MICAL2: variants seen among roughly 807,000 people sequenced by gnomAD.
MICAL2 encodes the protein microtubule associated monooxygenase, calponin and LIM domain containing 2, also known as [F-actin]-monooxygenase MICAL2.
In MICAL2, 77 loss-of-function variants were observed where a neutral mutation model predicts 127.3. The observed-to-expected ratio is 0.60, with a 90% confidence interval of 0.50 to 0.73. The LOEUF (loss-of-function observed/expected upper bound fraction) is 0.73. Among genes scored for constraint, MICAL2 ranks in the 30% least tolerant of loss-of-function variants. The pLI is 0.00. For missense variants in MICAL2, 1,351 were observed against 1,434.4 expected (o/e 0.94, Z 0.94); for synonymous variants, 570 against 551.1 (o/e 1.03, Z -0.48).
intron 29 of MICAL2, among the ~76,000 whole-genome samples, chr11:12,307,230 A>C (rs779969691): frequency 6.6e-6 from 1 of 152,024 alleles, no homozygotes; most frequent in African/African-American, 2.4e-5. Context: ...TGAATTTTTT[A>C]TTTGTATATT....
intron 3 of MICAL2, among the ~76,000 whole-genome samples, chr11:12,197,004 G>C (rs935432967): frequency 6.6e-6 from 1 of 152,146 alleles, no homozygotes; most frequent in African/African-American, 2.4e-5. Context: ...TCACTAATCT[G>C]TTTCTTCTCT....
At chr11:12,334,701 G>A (rs1938716889) in intron 32 of MICAL2, among the ~76,000 whole-genome samples, 1 of 148,132 alleles carries the variant, frequency 6.8e-6, no homozygotes, top group Non-Finnish European at 1.5e-5. Flanking sequence ...GAGAACATGT[G>A]GTGTTTGGTT....
At chr11:12,360,375 A>G (rs1033195084), downstream of MICAL2, among the ~76,000 whole-genome samples, 1 of 152,170 alleles carries the variant, frequency 6.6e-6, no homozygotes, top group Non-Finnish European at 1.5e-5. Flanking sequence ...AATAACCCAG[A>G]TGTTTGGGGC....
chr11:12,269,482 G>A (rs1428534102), intron 24 of MICAL2, among the ~76,000 whole-genome samples: 4 of 152,234 alleles, frequency 2.6e-5, no homozygotes, highest in South Asian at 4.1e-4. Context: ...CTGCAGAGCT[G>A]TTGGGAAGAT....
chr11:12,119,785 T>C (rs1047831903), intron 1 of MICAL2, among the ~76,000 whole-genome samples: 1 of 152,186 alleles, frequency 6.6e-6, no homozygotes, highest in Admixed American at 6.5e-5. Context: ...CACAGAGCCT[T>C]GGGATGTCAG....
chr11:12,145,290 A>G (rs765645243), intron 2 of MICAL2, among the ~76,000 whole-genome samples: 1 of 152,186 alleles, frequency 6.6e-6, no homozygotes, highest in South Asian at 2.1e-4. Context: ...CACTTCAGAA[A>G]AGACCCCTTT....
At chr11:12,291,218 A>C (rs533272323), downstream of MICAL2, among the ~76,000 whole-genome samples, 3 of 152,272 alleles carry the variant, frequency 2.0e-5, no homozygotes, top group Admixed American at 6.5e-5. Flanking sequence ...AGAGCATGGC[A>C]TTTTACTGAA....
Position 12,222,648 on chromosome 11 carries a change from A to T in MICAL2, c.1354A>T (p.Thr452Ser), listed in dbSNP as rs1190553408. 1.2e-6 allele frequency: 2 copies of T among 1,614,142 alleles called. No homozygotes were observed. The highest frequency in any genetic ancestry group is 1.1e-5 in the South Asian group (1 of 91,076). The change falls in exon 11 of 28, where the codon ACC becomes TCC. Residue 452 changes from threonine to serine, a missense_variant. By Grantham distance (58) the Thr-to-Ser change is moderately conservative (BLOSUM62 1). Around this residue, in one of 2 missense-constraint regions of MICAL2, gnomAD observed 599 missense variants for 714.9 expected, o/e 0.84. Coordinates refer to ENST00000683283, the MANE Select transcript of MICAL2 (RefSeq NM_001282663.2). ...TCTCTACCGGCTGTTACCTCAGACAACCCCGGAGAACATCAACAAGAACTT... is the reference window on the plus strand; with the variant it reads ...TCTCTACCGGCTGTTACCTCAGACATCCCCGGAGAACATCAACAAGAACTT... ...ESLYRLLPQTTPENINKNFEQ... is the reference protein window; with the variant it reads ...ESLYRLLPQTSPENINKNFEQ...
chr11:12,193,002 A>C (rs1349324322), intron 3 of MICAL2, among the ~76,000 whole-genome samples: 6 of 152,186 alleles, frequency 3.9e-5, no homozygotes, highest in Non-Finnish European at 8.8e-5. Context: ...TGCTGTGTTC[A>C]AAGCTACATA....
intron 8 of MICAL2, among the ~76,000 whole-genome samples, chr11:12,217,252 T>C (rs1274170537): frequency 2.0e-5 from 3 of 152,298 alleles, no homozygotes; most frequent in East Asian, 3.9e-4. Context: ...CGGTGGCCAT[T>C]CATTGCTGCT....
intron 3 of MICAL2, among the ~76,000 whole-genome samples, chr11:12,168,757 G>C (rs1481095154): frequency 1.3e-5 from 2 of 151,872 alleles, no homozygotes. Context: ...GACCGGGCAA[G>C]TGGGACCAAC....
At position 12,255,420 on chromosome 11, in the gene MICAL2, G is replaced by A. The variant is rs564596874; in HGVS notation, c.2848-223G>A. 8.7e-5 allele frequency: 48 copies of A among 548,770 alleles called. No homozygotes were observed. In the East Asian group the frequency reaches 1.5e-3, roughly 17 times the overall value. The allele number at this position is 548,770 out of a possible 1,614,324, so 34.0% of individuals were successfully genotyped here. ...TACCACATATAAGTGGAATCCTAGAGTACTTGTGTTTTTGCGGCCACAGGG... is the reference window on the plus strand; with the variant it reads ...TACCACATATAAGTGGAATCCTAGAATACTTGTGTTTTTGCGGCCACAGGG... On this transcript the variant is annotated intron_variant, in intron 22 of 27. Transcript: ENST00000683283.
intron 4 of MICAL2, among the ~76,000 whole-genome samples, chr11:12,205,288 A>C (rs1854538449): frequency 6.6e-6 from 1 of 152,158 alleles, no homozygotes. Context: ...GCAGCTTTGC[A>C]GTGGGGAGGT....
At chr11:12,255,849 G>A in intron 23 of MICAL2, 99 bp downstream of exon 23, 1 of 884,410 alleles carries the variant, frequency 1.1e-6, no homozygotes. Context: ...CCCTCCCGAG[G>A]CTCCTCTTCT....
chr11:12,120,588 G>C (rs1850424430), intron 1 of MICAL2, among the ~76,000 whole-genome samples: 1 of 152,232 alleles, frequency 6.6e-6, no homozygotes, highest in Non-Finnish European at 1.5e-5. Flanking sequence ...CTTCCTGGAG[G>C]AGGTGGAGTT....
intron 29 of MICAL2, among the ~76,000 whole-genome samples, chr11:12,300,333 CAT>C (rs1276505357): frequency 2.6e-5 from 4 of 152,124 alleles, no homozygotes; most frequent in African/African-American, 9.7e-5. Flanking sequence ...ACGGTGGGAA[CAT>C]AAATATGATG....
chr11:12,148,247 T>C (rs1853168269), intron 2 of MICAL2, among the ~76,000 whole-genome samples: 1 of 152,066 alleles, frequency 6.6e-6, no homozygotes, highest in South Asian at 2.1e-4. Flanking sequence ...GTCAGCACCA[T>C]GGAGCTGACT....
chr11:12,329,680 C>T (rs970151392), intron 32 of MICAL2, among the ~76,000 whole-genome samples: 3 of 152,000 alleles, frequency 2.0e-5, no homozygotes. Flanking sequence ...AAGTCTCTAC[C>T]GGAGTATTGC....
At chr11:12,249,707 C>T (rs990223507) in intron 22 of MICAL2, among the ~76,000 whole-genome samples, 4 of 152,228 alleles carry the variant, frequency 2.6e-5, no homozygotes, top group Admixed American at 2.0e-4. Flanking sequence ...GCCTTACCCA[C>T]GTGGGCTTGC....
Sources: allele counts gnomAD v4.1 joint callset (sites outside exome capture counted in the v4.1 genomes callset), GRCh38; gene constraint gnomAD v4.1.1; regional missense constraint gnomAD v4.1.1; transcripts MANE v1.5; gene names NCBI Gene and HGNC (gene_info 2026-07-23, HGNC 2026-07-21).